The following TCF12 variants were observed in gnomAD, a reference collection of about 807,000 sequenced individuals.
TCF12 encodes the protein DNA-binding protein HTF4.
TCF12 carries 45 observed loss-of-function variants against 86.0 expected under a neutral mutation model. That is an observed-to-expected ratio of 0.52 (90% confidence interval 0.41 to 0.67). The LOEUF (loss-of-function observed/expected upper bound fraction) is 0.67. Among genes scored for constraint, TCF12 ranks in the 30% least tolerant of loss-of-function variants. The pLI is 0.00. For missense variants in TCF12, 881 were observed against 859.9 expected, an observed-to-expected ratio of 1.02 and a Z score of -0.31; for synonymous variants, 330 against 299.6, an observed-to-expected ratio of 1.10 and a Z score of -1.05.
At chr15:57,243,742 T>G (rs1028242459) in intron 13 of TCF12, among the ~76,000 whole-genome samples, 192 bp downstream of exon 13, 3 of 152,240 alleles carry the variant, frequency 2.0e-5, no homozygotes, top group African/African-American at 7.2e-5. Context: ...AGTTTTGAGT[T>G]ATTTATTAAT....
intron 18 of TCF12, among the ~76,000 whole-genome samples, chr15:57,269,202 G>A (rs1213437070): frequency 6.6e-6 from 1 of 152,002 alleles, no homozygotes; most frequent in African/African-American, 2.4e-5. Context: ...ATGAATCTGG[G>A]TGCTCGTGTA....
chr15:57,177,211 A>C (rs1216380646), intron 6 of TCF12, among the ~76,000 whole-genome samples: 1 of 152,116 alleles, frequency 6.6e-6, no homozygotes, highest in Non-Finnish European at 1.5e-5. Flanking sequence ...AACATAGGTA[A>C]ATAAATTGTT....
At chr15:57,035,107 T>C (rs1446817181) in intron 3 of TCF12, among the ~76,000 whole-genome samples, 20 of 152,198 alleles carry the variant, frequency 1.3e-4, no homozygotes, top group Admixed American at 1.3e-3. Flanking sequence ...TCTTTTATTC[T>C]TACAACCCCC....
At chr15:56,980,866 GCC>G (rs1257772023) in intron 3 of TCF12, among the ~76,000 whole-genome samples, 1 of 152,194 alleles carries the variant, frequency 6.6e-6, no homozygotes. Flanking sequence ...TATTTGGGAT[GCC>G]TAGCATAACA....
chr15:57,088,133 A>G (rs561186525), intron 4 of TCF12, among the ~76,000 whole-genome samples: 1 of 152,342 alleles, frequency 6.6e-6, no homozygotes, highest in East Asian at 1.9e-4. Context: ...TCGGGCTCCA[A>G]CTTAACCATT....
At position 57,161,050 on chromosome 15, in the gene TCF12, G is replaced by A. The variant is rs755214934; in HGVS notation, c.326-5352G>A. On this transcript the variant is annotated intron_variant, in intron 5 of 20. Coordinates refer to ENST00000333725, the MANE Select transcript of TCF12 (RefSeq NM_207037.2). ...ATCTGTCAGTGACTAGCCCATAAATGTTTGATGGAATGTATGGATCTTAGA... is the reference window on the plus strand; with the variant it reads ...ATCTGTCAGTGACTAGCCCATAAATATTTGATGGAATGTATGGATCTTAGA... Among the ~76,000 whole-genome samples the A allele has an allele frequency of 6.6e-5, 10 of 152,148 alleles. No individual in the cohort carries two copies. In the South Asian group the frequency reaches 1.5e-3, roughly 22 times the overall value.
intron 8 of TCF12, among the ~76,000 whole-genome samples, chr15:57,228,177 G>C (rs1166905677): frequency 2.0e-5 from 3 of 152,032 alleles, no homozygotes; most frequent in Non-Finnish European, 4.4e-5. Flanking sequence ...GACCACATCA[G>C]TTGTGCTTTG....
At chr15:57,094,475 G>A (rs771433223) in intron 5 of TCF12, among the ~76,000 whole-genome samples, 2 of 152,162 alleles carry the variant, frequency 1.3e-5, no homozygotes, top group Non-Finnish European at 2.9e-5. Flanking sequence ...AATTCAACTT[G>A]ATATGAGCTG....
At chr15:57,089,931 TG>T (rs1319402860) in intron 4 of TCF12, among the ~76,000 whole-genome samples, 1 of 152,152 alleles carries the variant, frequency 6.6e-6, no homozygotes, top group Non-Finnish European at 1.5e-5. Flanking sequence ...GCAAATTCTA[TG>T]GGCCAGGCAT....
intron 8 of TCF12, among the ~76,000 whole-genome samples, chr15:57,227,896 C>T (rs1212262819): frequency 6.6e-6 from 1 of 151,998 alleles, no homozygotes; most frequent in East Asian, 1.9e-4. Flanking sequence ...TAGTTTGACT[C>T]CTGGTAGATT....
In TCF12 at chr15:56,939,413, T is replaced by TA. The variant is rs796261592; in HGVS notation, c.148+18324dup. 2.4e-4 allele frequency among the ~76,000 whole-genome samples: 37 copies of TA among 151,090 alleles called. 1 individual carries two copies. Among genetic ancestry groups the TA allele is most frequent in the East Asian group, 9.7e-4 (5 of 5,148 alleles). Reference sequence around the variant, plus strand: ...GCCTCCTGAGTTTTAACCCTATAATTAAAAAAAAAGTCTGATGCCTGCTTT... The same window carrying TA: ...GCCTCCTGAGTTTTAACCCTATAATTAAAAAAAAAAGTCTGATGCCTGCTTT... On this transcript the variant is annotated intron_variant, in intron 3 of 20. Transcript: ENST00000333725.
intron 3 of TCF12, among the ~76,000 whole-genome samples, chr15:56,923,809 C>G (rs571899781): frequency 6.6e-6 from 1 of 151,846 alleles, no homozygotes; most frequent in Non-Finnish European, 1.5e-5. Context: ...TGTAAGCCAT[C>G]TGTAGATATT....
chr15:57,082,878 C>A (rs1451634048), intron 4 of TCF12, among the ~76,000 whole-genome samples: 1 of 152,048 alleles, frequency 6.6e-6, no homozygotes, highest in Non-Finnish European at 1.5e-5. Flanking sequence ...ATGTTTATAA[C>A]AACCTTATTT....
Position 57,232,198 on chromosome 15 carries a change from T to C in TCF12, c.686-93T>C, listed in dbSNP as rs187200319. 26 of 1,426,170 alleles carry C rather than the reference T, an allele frequency of 1.8e-5. No homozygotes were observed. In the Admixed American group the frequency reaches 3.2e-4, roughly 17 times the overall value. 88.3% of individuals were successfully genotyped at this position (1,426,170 alleles called of 1,614,324 possible). ...TAGGTTGGAAAAGGGAGGAAAAATA[T>C]CTGGAGGGTACCCCTTGAATTTTTA... On this transcript the variant is annotated intron_variant, in intron 9 of 20. Coordinates refer to ENST00000333725, the MANE Select transcript of TCF12 (RefSeq NM_207037.2).
In TCF12 at chr15:57,113,058, T is replaced by G. The variant is rs181390379; in HGVS notation, c.325+21167T>G. Reference sequence around the variant, plus strand: ...TGTGTCCTACTTCTAGGATAAAGCCTCTAGGCTCCTTAGTATGGCACTTGA... The same window carrying G: ...TGTGTCCTACTTCTAGGATAAAGCCGCTAGGCTCCTTAGTATGGCACTTGA... On this transcript the variant is annotated intron_variant, in intron 5 of 20. Coordinates refer to ENST00000333725, the MANE Select transcript of TCF12 (RefSeq NM_207037.2). Among the ~76,000 whole-genome samples, 290 of 152,384 alleles carry G rather than the reference T, an allele frequency of 1.9e-3. 1 individual carries two copies. Among genetic ancestry groups the G allele is most frequent in the Middle Eastern group, 3.4e-3 (1 of 294 alleles).
At chr15:57,238,194 G>A (rs996710464) in intron 12 of TCF12, among the ~76,000 whole-genome samples, 2 of 151,920 alleles carry the variant, frequency 1.3e-5, no homozygotes, top group Non-Finnish European at 1.5e-5. Context: ...TGTTTCTCCC[G>A]TTTAGACAGT....
chr15:56,939,629 A>G (rs2060635289), intron 3 of TCF12, among the ~76,000 whole-genome samples: 1 of 152,218 alleles, frequency 6.6e-6, no homozygotes, highest in Non-Finnish European at 1.5e-5. Flanking sequence ...TTTGAGGTTA[A>G]TAAACACTTG....
intron 6 of TCF12, among the ~76,000 whole-genome samples, chr15:57,181,194 C>CATAAAA (rs2151643017): frequency 6.6e-6 from 1 of 152,088 alleles, no homozygotes; most frequent in Admixed American, 6.5e-5. Flanking sequence ...TTAAGCCAAG[C>CATAAAA]CACTTAATAA....
chr15:57,054,992 A>G (rs1453602237), intron 3 of TCF12, among the ~76,000 whole-genome samples: 1 of 151,108 alleles, frequency 6.6e-6, no homozygotes, highest in African/African-American at 2.4e-5. Flanking sequence ...AGAGAAAATT[A>G]TTTTTTCTTT....
Sources: allele counts gnomAD v4.1 joint callset (sites outside exome capture counted in the v4.1 genomes callset), GRCh38; gene constraint gnomAD v4.1.1; transcripts MANE v1.5; gene names NCBI Gene and HGNC (gene_info 2026-07-23, HGNC 2026-07-21).